SYTL3: variants seen among roughly 807,000 people sequenced by gnomAD.
SYTL3 encodes synaptotagmin-like protein 3.
A neutral mutation model predicts 82.1 loss-of-function variants in SYTL3; 88 were observed. The observed-to-expected ratio is 1.07, with a 90% CI of 0.90 to 1.28. SYTL3 has a LOEUF of 1.28. SYTL3 is among the 50% of genes most tolerant of loss of function. SYTL3 has a pLI of 0.00. For missense variants in SYTL3, 831 were observed against 757.6 expected, an observed-to-expected ratio of 1.10 and a Z score of -1.14; for synonymous variants, 311 against 289.4, an observed-to-expected ratio of 1.07 and a Z score of -0.76.
At chr6:158,719,582 A>G (rs948064700) in intron 10 of SYTL3, among the ~76,000 whole-genome samples, 44 of 152,186 alleles carry the variant, frequency 2.9e-4, no homozygotes, top group Admixed American at 7.2e-4. Context: ...TTGAAATTCT[A>G]TAACACAAGT....
At chr6:158,678,147 G>C (rs1703695894) in intron 5 of SYTL3, among the ~76,000 whole-genome samples, 1 of 152,206 alleles carries the variant, frequency 6.6e-6, no homozygotes, top group African/African-American at 2.4e-5. Context: ...AAAGTGCTGA[G>C]ATTACAGGCG....
At chr6:158,708,423 A>AG (rs763956897) in intron 8 of SYTL3, 32 bp downstream of exon 8, 3 of 1,594,126 alleles carry the variant, frequency 1.9e-6, no homozygotes, top group Non-Finnish European at 2.6e-6. Flanking sequence ...CTTCTCTAGT[A>AG]GGGGTCAGGG....
At chr6:158,691,299 A>T (rs1205689876) in intron 6 of SYTL3, among the ~76,000 whole-genome samples, 1 of 151,994 alleles carries the variant, frequency 6.6e-6, no homozygotes, top group Non-Finnish European at 1.5e-5. Flanking sequence ...GTGAGCCAAG[A>T]TCATGCCACT....
intron 14 of SYTL3, among the ~76,000 whole-genome samples, chr6:158,758,703 C>T (rs1359181898): frequency 6.6e-6 from 1 of 152,152 alleles, no homozygotes; most frequent in African/African-American, 2.4e-5. Flanking sequence ...CTCCCCCAAG[C>T]TAGAGTCCGG....
chr6:158,718,442 A>G (rs1258230285), intron 10 of SYTL3, among the ~76,000 whole-genome samples: 2 of 152,198 alleles, frequency 1.3e-5, no homozygotes, highest in African/African-American at 4.8e-5. Context: ...AAAGGCTTCC[A>G]CCTAATCACA....
chr6:158,709,483 A>G (rs1370081716), intron 8 of SYTL3, among the ~76,000 whole-genome samples: 1 of 152,228 alleles, frequency 6.6e-6, no homozygotes, highest in African/African-American at 2.4e-5. Flanking sequence ...AAGTCAAACC[A>G]TCGTAAGTCA....
intron 6 of SYTL3, among the ~76,000 whole-genome samples, chr6:158,704,228 C>T (rs1482285976): frequency 6.6e-6 from 1 of 152,210 alleles, no homozygotes; most frequent in African/African-American, 2.4e-5. Flanking sequence ...ACGGGCACGC[C>T]TGCCCTTTAT....
chr6:158,659,657 T>C (rs1441233208), intron 2 of SYTL3, among the ~76,000 whole-genome samples: 1 of 152,124 alleles, frequency 6.6e-6, no homozygotes, highest in African/African-American at 2.4e-5. Flanking sequence ...ACCTGGGCAA[T>C]TGTCTTAGTC....
At chr6:158,694,018 A>G (rs1780293345) in intron 6 of SYTL3, among the ~76,000 whole-genome samples, 1 of 151,968 alleles carries the variant, frequency 6.6e-6, no homozygotes, top group Admixed American at 6.6e-5. Context: ...GGAAAGGTGG[A>G]TCCTATTCTT....
chr6:158,667,856 A>G (rs1398111881), intron 5 of SYTL3, among the ~76,000 whole-genome samples: 1 of 152,102 alleles, frequency 6.6e-6, no homozygotes, highest in Non-Finnish European at 1.5e-5. Flanking sequence ...ATTTAAGATA[A>G]AGTTTCTGTC....
intron 6 of SYTL3, among the ~76,000 whole-genome samples, chr6:158,687,618 A>T (rs957934668): frequency 9.2e-5 from 14 of 152,196 alleles, no homozygotes; most frequent in African/African-American, 3.1e-4. Context: ...CTGAGAATCA[A>T]ACTTGACTCC....
At chr6:158,752,559 G>C (rs986122099) in intron 13 of SYTL3, among the ~76,000 whole-genome samples, 3 of 152,144 alleles carry the variant, frequency 2.0e-5, no homozygotes, top group African/African-American at 7.2e-5. Context: ...ATGATACTAG[G>C]AAATGTGATT....
At chr6:158,663,446 T>C (rs949130308) in intron 4 of SYTL3, 68 bp downstream of exon 4, 1 of 1,577,650 alleles carries the variant, frequency 6.3e-7, no homozygotes, top group Non-Finnish European at 8.6e-7. Context: ...TGCCACTCCG[T>C]CGCCAATGCT....
chr6:158,719,121 T>A (rs1267649200), intron 10 of SYTL3, among the ~76,000 whole-genome samples: 1 of 152,232 alleles, frequency 6.6e-6, no homozygotes, highest in Non-Finnish European at 1.5e-5. Context: ...TCTAATGAGA[T>A]AATGTAGTAT....
chr6:158,760,834 T>TCTA, intron 15 of SYTL3, 89 bp downstream of exon 15: 1 of 1,054,558 alleles, frequency 9.5e-7, no homozygotes, highest in Non-Finnish European at 1.5e-6. Context: ...GTGAAAGTTT[T>TCTA]CTAGCATTTC....
rs571381475 is a variant in SYTL3, at chr6:158,692,257, C to CAAAAA, written c.394+9302_394+9306dup. On this transcript the variant is annotated intron_variant, in intron 6 of 17. Coordinates refer to ENST00000611299, the MANE Select transcript of SYTL3 (RefSeq NM_001242394.2). ...TGGGCGACAGAGCGAGACTCCGTCT[C>CAAAAA]AAAAAAAAAAAAAAAAAAAAAAAAA... is the stretch of plus-strand genomic sequence containing the variant. Among the ~76,000 whole-genome samples, 106 of 32,196 alleles carry CAAAAA rather than the reference C, an allele frequency of 3.3e-3. 26 individuals carry two copies. The highest frequency in any genetic ancestry group is 3.9e-3 in the Non-Finnish European group (65 of 16,754). 21.1% of individuals were successfully genotyped at this position (32,196 alleles called of 152,430 possible).
chr6:158,728,153 G>A (rs954657017), intron 11 of SYTL3, among the ~76,000 whole-genome samples: 5 of 152,086 alleles, frequency 3.3e-5, no homozygotes, highest in South Asian at 2.1e-4. Flanking sequence ...TCTGTGTCTC[G>A]TCCATCTGCA....
intron 6 of SYTL3, among the ~76,000 whole-genome samples, chr6:158,700,348 C>G (rs758788222): frequency 6.6e-5 from 10 of 152,088 alleles, no homozygotes; most frequent in Non-Finnish European, 1.3e-4. Context: ...AACTCCTGGG[C>G]TCAAGCAGTC....
In SYTL3 at chr6:158,700,833, G is replaced by A. The variant is rs775651791; in HGVS notation, c.395-6397G>A. ...GGGTTTCACTGTGTTAGCCAGGATG[G>A]TCTCGATCTCCTGACCTCATGATCT... On this transcript the variant is annotated intron_variant, in intron 6 of 17. Transcript: ENST00000611299. Among the ~76,000 whole-genome samples, 4 of 152,080 alleles carry A rather than the reference G, an allele frequency of 2.6e-5. No homozygotes were observed. In the South Asian group the frequency reaches 6.2e-4, roughly 24 times the overall value.
Sources: allele counts gnomAD v4.1 joint callset (sites outside exome capture counted in the v4.1 genomes callset), GRCh38; gene constraint gnomAD v4.1.1; transcripts MANE v1.5; gene names NCBI Gene and HGNC (gene_info 2026-07-23, HGNC 2026-07-21).